ERCC6: variants seen among roughly 807,000 people sequenced by gnomAD.
ERCC6 encodes DNA excision repair protein ERCC-6.
A neutral mutation model predicts 158.7 loss-of-function variants in ERCC6; 116 were observed. That is an observed-to-expected ratio of 0.73 (90% confidence interval 0.63 to 0.85). The LOEUF (loss-of-function observed/expected upper bound fraction) is 0.85, where lower values mean the gene tolerates loss of function less well. Among genes scored for constraint, ERCC6 ranks in the 40% least tolerant of loss-of-function variants. The pLI is 0.00. For synonymous variants in ERCC6, 678 were observed against 659.3 expected (o/e 1.03, Z -0.43); for missense variants, 1,698 against 1,799.4 (o/e 0.94, Z 1.02).
At chr10:49,533,819 T>G (rs1297446546) in intron 1 of ERCC6, among the ~76,000 whole-genome samples, 3 of 151,890 alleles carry the variant, frequency 2.0e-5, no homozygotes, top group Non-Finnish European at 4.4e-5. Flanking sequence ...TTAAAGTTTT[T>G]TTAAAAGATT....
At position 49,530,803 on chromosome 10, in the gene ERCC6, T is replaced by C. The variant is rs777478670; in HGVS notation, c.460A>G (p.Ile154Val). 6.2e-7 allele frequency: 1 copy of C among 1,613,862 alleles called. No homozygotes were observed. Among genetic ancestry groups the C allele is most frequent in the Admixed American group, 1.7e-5 (1 of 60,032 alleles). ...TTSLRQINKI[I>V]EQLSPQAATS... ...GCAGCTTGAGGGCTAAGCTGTTCAA[T>C]AATTTTATTGATTTGCCTTAGGGAT... Residue 154 changes from isoleucine (I) to valine (V), a missense_variant, in exon 3 of 21, where the codon ATT (isoleucine) becomes GTT (valine). Physicochemically the swap from Ile to Val is conservative, Grantham distance 29. Transcript: ENST00000355832.
At chr10:49,468,461 G>C (rs1428309578) in intron 18 of ERCC6, among the ~76,000 whole-genome samples, 3 of 152,148 alleles carry the variant, frequency 2.0e-5, no homozygotes, top group African/African-American at 4.8e-5. Flanking sequence ...ACTGCCCTTT[G>C]GTGTCTGAAA....
chr10:49,529,089 G>C (rs966374597), intron 3 of ERCC6, among the ~76,000 whole-genome samples: 1 of 152,134 alleles, frequency 6.6e-6, no homozygotes, highest in African/African-American at 2.4e-5. Context: ...GGCCACGCCA[G>C]ACTCCTCTTT....
At position 49,456,239 on chromosome 10, in the gene ERCC6, C is replaced by T. The variant is rs1310521807; in HGVS notation, c.*2576G>A. On this transcript the variant is annotated 3_prime_UTR_variant, in exon 21 of 21. Transcript: ENST00000355832. ...GGCAGGCCAACTTCTCCTTCCTCAA[C>T]ACATCACTTCCATCTCTTGAGATGC... The T allele has an allele frequency of 6.6e-6, 1 of 152,230 alleles. No homozygotes were observed. The highest frequency in any genetic ancestry group is 2.4e-5 in the African/African-American group (1 of 41,452). 9.4% of individuals were successfully genotyped at this position (152,230 alleles called of 1,614,324 possible).
chr10:49,532,647 T>C lies in ERCC6; in HGVS notation c.318A>G (p.Glu106=). Residue 106 remains glutamate (E), a synonymous_variant, in exon 2 of 21, where the codon GAA becomes GAG. Transcript: ENST00000355832. The stretch of plus-strand genomic sequence containing the variant: ...TGTCCACCTGCTGAAGCACTCCCTG[T>C]TCCAGCACGTCCTGGTCATAGACGT... ...GVDVYDQDVL[E]QGVLQQVDNA... 6.2e-7 allele frequency: 1 copy of C among 1,614,206 alleles called. No individual in the cohort carries two copies. Among genetic ancestry groups the C allele is most frequent in the Non-Finnish European group, 8.5e-7 (1 of 1,180,046 alleles).
At chr10:49,534,754 T>C (rs752856957) in intron 1 of ERCC6, among the ~76,000 whole-genome samples, 54 of 152,238 alleles carry the variant, frequency 3.5e-4, no homozygotes, top group Admixed American at 2.0e-4. Flanking sequence ...CAGTCTTGCT[T>C]TTTGTTTAAC....
intron 18 of ERCC6, among the ~76,000 whole-genome samples, chr10:49,462,811 G>A (rs1046991995): frequency 2.6e-5 from 4 of 152,200 alleles, no homozygotes; most frequent in African/African-American, 9.7e-5. Context: ...AATTAAAAGT[G>A]TAACACCACA....
At chr10:49,515,924 G>T (rs1347602252) in intron 5 of ERCC6, 2 of 1,614,150 alleles carry the variant, frequency 1.2e-6, no homozygotes, top group Admixed American at 1.7e-5. Context: ...AATCAAATGT[G>T]CCTCTTTCTT....
At chr10:49,443,364 C>T in the ERCC6 span, among the ~76,000 whole-genome samples, 1 of 152,296 alleles carries the variant, frequency 6.6e-6, no homozygotes, top group Admixed American at 6.5e-5. Context: ...TAGATATATA[C>T]AATCATACAC....
chr10:49,504,681 C>A (rs564042565), intron 6 of ERCC6: 1 of 152,080 alleles, frequency 6.6e-6, no homozygotes. Context: ...ATAAAAGTGG[C>A]CTTTATTTAC....
intron 5 of ERCC6, chr10:49,515,960 C>T: frequency 6.2e-7 from 1 of 1,614,146 alleles, no homozygotes; most frequent in South Asian, 1.1e-5. Flanking sequence ...CATCTGATTC[C>T]AGTGGAACTC....
intron 6 of ERCC6, chr10:49,502,561 C>T (rs1249412555): frequency 2.0e-5 from 3 of 152,124 alleles, no homozygotes; most frequent in Non-Finnish European, 2.9e-5. Flanking sequence ...GAAACAAAAG[C>T]TCAGAATGGT....
intron 11 of ERCC6, among the ~76,000 whole-genome samples, chr10:49,477,374 G>T (rs1238443999): frequency 3.9e-5 from 6 of 152,038 alleles, no homozygotes; most frequent in Admixed American, 3.9e-4. Context: ...ATTCTCCCCA[G>T]TACAGTGCCT....
intron 18 of ERCC6, among the ~76,000 whole-genome samples, chr10:49,469,833 T>C (rs1317077959): frequency 6.6e-6 from 1 of 152,230 alleles, no homozygotes; most frequent in African/African-American, 2.4e-5. Flanking sequence ...CCTTATGATG[T>C]TACTTTAATC....
At chr10:49,536,860 T>A (rs2132647055) in intron 1 of ERCC6, among the ~76,000 whole-genome samples, 1 of 152,120 alleles carries the variant, frequency 6.6e-6, no homozygotes, top group Admixed American at 6.5e-5. Flanking sequence ...AGCAACTGAC[T>A]TCAGGGTCCA....
chr10:49,444,875 T>C, the ERCC6 span, among the ~76,000 whole-genome samples: 1 of 152,112 alleles, frequency 6.6e-6, no homozygotes, highest in African/African-American at 2.4e-5. Flanking sequence ...TACAGCAATT[T>C]CCCTTATGAT....
intron 5 of ERCC6, chr10:49,516,984 T>C: frequency 6.2e-7 from 1 of 1,614,040 alleles, no homozygotes; most frequent in Non-Finnish European, 8.5e-7. Context: ...ACCTTCTTCA[T>C]CTCCTGATTC....
chr10:49,442,651 T>C, the ERCC6 span, among the ~76,000 whole-genome samples: 39 of 152,254 alleles, frequency 2.6e-4, no homozygotes, highest in Non-Finnish European at 3.2e-4. Context: ...CAAGGTGAGA[T>C]TGTCAGCACA....
At chr10:49,498,497 C>CG (rs566690778) in intron 7 of ERCC6, among the ~76,000 whole-genome samples, 5 of 152,020 alleles carry the variant, frequency 3.3e-5, no homozygotes, top group African/African-American at 9.7e-5. Context: ...TACATATGAG[C>CG]GGGGGGGACC....
Sources: gnomAD v4.1 joint callset for allele counts (sites outside exome capture counted in the v4.1 genomes callset) on GRCh38, gnomAD v4.1.1 for gene constraint, MANE v1.5 for transcripts, NCBI Gene and HGNC (gene_info 2026-07-23, HGNC 2026-07-21) for gene names.